Variants in GLUD1 observed in about 807,000 individuals in gnomAD.
The protein encoded by GLUD1 is glutamate dehydrogenase 1.
Under a neutral mutation model 56.0 loss-of-function variants are expected in GLUD1, and 22 were observed. The observed-to-expected ratio is 0.39, with a 90% CI of 0.28 to 0.56. GLUD1 has a LOEUF of 0.56. Among genes scored for constraint, GLUD1 ranks in the 20% least tolerant of loss-of-function variants. The pLI is 0.58. For synonymous variants in GLUD1, 223 were observed against 269.9 expected (o/e 0.83, Z 1.70); for missense variants, 451 against 732.0 (o/e 0.62, Z 4.43).
rs1845968777 is a variant in GLUD1, at chr10:87,062,746, G to A, written c.831C>T (p.Phe277=). The A allele has an allele frequency of 6.2e-7, 1 of 1,613,956 alleles. No individual in the cohort carries two copies. The highest frequency in any genetic ancestry group is 1.7e-5 in the Admixed American group (1 of 59,996). Residue 277 remains phenylalanine (F), a synonymous_variant, in exon 6 of 13, where the codon TTC becomes TTT. Coordinates refer to ENST00000277865, the MANE Select transcript of GLUD1 (RefSeq NM_005271.5). ...CATTGATGAAATTTTCAATCCCATG[G>A]AAGACACCACGGCCAGTAGCAGAGA... ...GRISATGRGV[F]HGIENFINEA...
At chr10:87,060,893 T>G (rs376458622) in intron 7 of GLUD1, 22 bp downstream of exon 7, 38 of 1,613,604 alleles carry the variant, frequency 2.4e-5, no homozygotes, top group Non-Finnish European at 2.9e-5. Context: ...TTAGTGTCTA[T>G]GCTATAAAAA....
In GLUD1 at chr10:87,094,162, C is replaced by G; in HGVS notation, c.445+163G>C. The G allele has an allele frequency of 7.1e-7, 1 of 1,408,298 alleles. No individual in the cohort carries two copies. Among genetic ancestry groups the G allele is most frequent in the Non-Finnish European group, 9.4e-7 (1 of 1,061,142 alleles). The allele number at this position is 1,408,298 out of a possible 1,614,324, so 87.2% of individuals were successfully genotyped here. A position where few individuals can be genotyped will look rare whatever the true frequency, so the allele number is the denominator to read the frequency against. On this transcript the variant is annotated intron_variant, in intron 1 of 12. Coordinates refer to ENST00000277865, the MANE Select transcript of GLUD1 (RefSeq NM_005271.5). The surrounding 1 kb of genome is among the most constrained non-coding windows in gnomAD (Gnocchi z 6.6). ...GATTTTAAGGCGGAAAAATCACCAT[C>G]CACAGAGCCGGCCACATCCGAGGCG...
rs577824730 is a variant in GLUD1 at position 87,065,944 on chromosome 10, G to T, written c.741+2119C>A. ...TGGTCTGCCCATGTTCCCAGCCACA[G>T]CATGACATCACTTCAGGAAATGTCC... On this transcript the variant is annotated intron_variant, in intron 5 of 12. Coordinates refer to ENST00000277865, the MANE Select transcript of GLUD1 (RefSeq NM_005271.5). Among the ~76,000 whole-genome samples the T allele has an allele frequency of 3.9e-5, 6 of 152,196 alleles. No homozygotes were observed. In the South Asian group the frequency reaches 1.2e-3, roughly 32 times the overall value.
At chr10:87,067,932 A>G (rs767455486) in intron 5 of GLUD1, 131 bp downstream of exon 5, 5 of 683,588 alleles carry the variant, frequency 7.3e-6, no homozygotes, top group Non-Finnish European at 1.3e-5. Flanking sequence ...ACATAAAATA[A>G]TATGCACATC....
chr10:87,064,265 G>A (rs1846017647), intron 5 of GLUD1, among the ~76,000 whole-genome samples: 1 of 152,110 alleles, frequency 6.6e-6, no homozygotes, highest in African/African-American at 2.4e-5. Flanking sequence ...AACAGAAACA[G>A]GTGTAATTAG....
chr10:87,080,660 C>T (rs1192656125), intron 1 of GLUD1, among the ~76,000 whole-genome samples: 2 of 151,032 alleles, frequency 1.3e-5, no homozygotes, highest in African/African-American at 4.9e-5. Context: ...AGCGTCTCTG[C>T]CCAGCCGCCC....
At chr10:87,067,383 G>A (rs1450362634) in intron 5 of GLUD1, among the ~76,000 whole-genome samples, 1 of 152,064 alleles carries the variant, frequency 6.6e-6, no homozygotes, top group Non-Finnish European at 1.5e-5. Flanking sequence ...ATACCACCAC[G>A]CTTGGCTAAT....
In GLUD1 at chr10:87,061,278, T is replaced by TC. The variant is rs1290066457; in HGVS notation, c.922-227_922-226insG. On this transcript the variant is annotated intron_variant, in intron 6 of 12. Coordinates refer to ENST00000277865, the MANE Select transcript of GLUD1 (RefSeq NM_005271.5). ...GGCTCACGCTTGTAATTCCAGCACT[T>TC]TGGGAGGCTGAGGCAGGTGGATCAC... The TC allele has an allele frequency of 9.3e-6, 6 of 648,324 alleles. No homozygotes were observed. In the African/African-American group the frequency reaches 1.1e-4, roughly 12 times the overall value. 40.2% of individuals were successfully genotyped at this position (648,324 alleles called of 1,614,324 possible). A position where few individuals can be genotyped will look rare whatever the true frequency, so the allele number is the denominator to read the frequency against.
At chr10:87,061,235 G>A in intron 6 of GLUD1, 183 bp from the exon 7 acceptor site, 1 of 721,756 alleles carries the variant, frequency 1.4e-6, no homozygotes, top group South Asian at 1.5e-5. Flanking sequence ...GTTTAAGAAT[G>A]TGATGAGCGG....
intron 11 of GLUD1, among the ~76,000 whole-genome samples, chr10:87,057,267 G>T (rs974059723): frequency 2.0e-5 from 3 of 152,150 alleles, no homozygotes; most frequent in African/African-American, 7.2e-5. Flanking sequence ...GATTACAGGC[G>T]TGTGCCACCA....
At chr10:87,061,809 A>G (rs749277823) in intron 6 of GLUD1, among the ~76,000 whole-genome samples, 7 of 151,124 alleles carry the variant, frequency 4.6e-5, no homozygotes, top group Non-Finnish European at 1.0e-4. Context: ...TTTGAGACAG[A>G]GTCTGGCTCT....
At chr10:87,092,019 C>A (rs778314600) in intron 1 of GLUD1, among the ~76,000 whole-genome samples, 22 of 152,216 alleles carry the variant, frequency 1.4e-4, no homozygotes, top group Admixed American at 1.0e-3. Flanking sequence ...TTCTGTGTTT[C>A]TAAGACTAGA....
chr10:87,056,597 C>T (rs1404789663), intron 11 of GLUD1, among the ~76,000 whole-genome samples: 1 of 152,078 alleles, frequency 6.6e-6, no homozygotes, highest in Non-Finnish European at 1.5e-5. Flanking sequence ...ACCTGGCCTA[C>T]ACATAGTTTC....
At chr10:87,077,340 A>T (rs1164812026) in intron 1 of GLUD1, among the ~76,000 whole-genome samples, 1 of 152,118 alleles carries the variant, frequency 6.6e-6, no homozygotes, top group Non-Finnish European at 1.5e-5. Flanking sequence ...ATTCACAAAC[A>T]TGGGCAATGA....
rs557683852 is a variant in GLUD1 at position 87,051,604 on chromosome 10, G to A, written c.*147C>T. On this transcript the variant is annotated 3_prime_UTR_variant, in exon 13 of 13. Coordinates refer to ENST00000277865, the MANE Select transcript of GLUD1 (RefSeq NM_005271.5). ...TAACCTTAATTTCTTTCTCCTTAACGGGCTGACTTGGATTGACTTGTTGAG... is the reference window on the plus strand; with the variant it reads ...TAACCTTAATTTCTTTCTCCTTAACAGGCTGACTTGGATTGACTTGTTGAG... 1.3e-5 allele frequency: 12 copies of A among 916,966 alleles called. No homozygotes were observed. Among genetic ancestry groups the A allele is most frequent in the South Asian group, 3.9e-5 (3 of 76,082 alleles). The allele number at this position is 916,966 out of a possible 1,614,324, so 56.8% of individuals were successfully genotyped here.
intron 9 of GLUD1, 93 bp downstream of exon 9, chr10:87,060,068 G>A (rs924069544): frequency 2.4e-6 from 2 of 832,682 alleles, no homozygotes; most frequent in Non-Finnish European, 4.3e-6. Context: ...CTAGAGCTTG[G>A]AGACTAATAA....
chr10:87,059,439 A>T lies in GLUD1; in HGVS notation c.1279-166T>A, dbSNP rs549517964. ...TCACACTTAATTAACACTCCTTCCC[A>T]TCCCACCCAATTCCATCTAAGGCTT... On this transcript the variant is annotated intron_variant, in intron 9 of 12. Transcript: ENST00000277865. Among the ~76,000 whole-genome samples, 7 of 151,908 alleles carry T rather than the reference A, an allele frequency of 4.6e-5. No homozygotes were observed. In the South Asian group the frequency reaches 1.5e-3, roughly 32 times the overall value.
chr10:87,069,195 C>T (rs1209011309), intron 4 of GLUD1, among the ~76,000 whole-genome samples: 1 of 151,678 alleles, frequency 6.6e-6, no homozygotes, highest in Non-Finnish European at 1.5e-5. Flanking sequence ...CTCGTTTTTA[C>T]AAAACGAAAA....
chr10:87,085,455 T>G (rs1841360114), intron 1 of GLUD1, among the ~76,000 whole-genome samples: 1 of 152,122 alleles, frequency 6.6e-6, no homozygotes. Context: ...TTTAATCCAG[T>G]CTAAATCTTT....
Sources: allele counts gnomAD v4.1 joint callset (sites outside exome capture counted in the v4.1 genomes callset), GRCh38; gene constraint gnomAD v4.1.1; non-coding constraint Gnocchi (gnomAD v3.1); transcripts MANE v1.5; gene names NCBI Gene and HGNC (gene_info 2026-07-23, HGNC 2026-07-21).